MYO16: variants seen among roughly 807,000 people sequenced by gnomAD.
MYO16 encodes the protein unconventional myosin-XVI.
In MYO16, 94 loss-of-function variants were observed where a neutral mutation model predicts 205.3. The observed-to-expected ratio is 0.46, with a 90% CI of 0.39 to 0.54. MYO16 has a LOEUF of 0.54. Ranked by LOEUF, MYO16 falls within the 20% of genes least tolerant of loss-of-function variation. The pLI is 0.00. For missense variants in MYO16, 2,315 were observed against 2,387.5 expected (o/e 0.97, Z 0.63); for synonymous variants, 988 against 954.0 (o/e 1.04, Z -0.66).
At chr13:109,084,997 A>G (rs1490490068) in intron 27 of MYO16, among the ~76,000 whole-genome samples, 1 of 152,168 alleles carries the variant, frequency 6.6e-6, no homozygotes, top group Non-Finnish European at 1.5e-5. Flanking sequence ...TGAGTCTTTA[A>G]GACCACTTAA....
At chr13:109,035,619 G>A (rs377584561) in intron 23 of MYO16, among the ~76,000 whole-genome samples, 2 of 152,318 alleles carry the variant, frequency 1.3e-5, no homozygotes, top group East Asian at 3.9e-4. Flanking sequence ...GGGAGGCAGA[G>A]GTTGCAGTGA....
At chr13:108,724,204 A>G (rs1884261159) in intron 3 of MYO16, among the ~76,000 whole-genome samples, 1 of 152,178 alleles carries the variant, frequency 6.6e-6, no homozygotes, top group South Asian at 2.1e-4. Context: ...ATAACTTTGT[A>G]TATTCCATTA....
intron 4 of MYO16, among the ~76,000 whole-genome samples, chr13:108,733,156 G>A (rs1427708837): frequency 6.6e-6 from 1 of 152,046 alleles, no homozygotes; most frequent in Non-Finnish European, 1.5e-5. Flanking sequence ...GTGTAGAGGG[G>A]GCATCGTCTA....
At chr13:108,560,073 T>C in the MYO16 span, among the ~76,000 whole-genome samples, 1 of 152,184 alleles carries the variant, frequency 6.6e-6, no homozygotes, top group East Asian at 1.9e-4. Flanking sequence ...ATGTTAGATA[T>C]GCACCTGCAG....
At chr13:109,174,093 G>A (rs1427685908) in intron 33 of MYO16, among the ~76,000 whole-genome samples, 1 of 151,944 alleles carries the variant, frequency 6.6e-6, no homozygotes, top group African/African-American at 2.4e-5. Context: ...CATGAAGCAA[G>A]AGTATTAAAG....
At chr13:109,066,448 G>A (rs926379688) in intron 27 of MYO16, among the ~76,000 whole-genome samples, 1 of 152,170 alleles carries the variant, frequency 6.6e-6, no homozygotes, top group African/African-American at 2.4e-5. Context: ...GTTTAACGAA[G>A]TTTGAGAGGA....
the MYO16 span, among the ~76,000 whole-genome samples, chr13:108,495,876 C>T: frequency 1.3e-5 from 2 of 151,968 alleles, no homozygotes; most frequent in Non-Finnish European, 2.9e-5. Flanking sequence ...GAGTCCCGGC[C>T]ATCGCCGCGT....
chr13:108,692,095 C>T (rs1882919111), intron 2 of MYO16, among the ~76,000 whole-genome samples: 1 of 152,182 alleles, frequency 6.6e-6, no homozygotes, highest in Non-Finnish European at 1.5e-5. Context: ...TTTTGACTTA[C>T]TGTTTACATT....
rs1235634969 is a variant in MYO16, at chr13:108,942,464, G to A, written c.1926-15224G>A. On this transcript the variant is annotated intron_variant, in intron 16 of 34. Coordinates refer to ENST00000457511, the MANE Select transcript of MYO16 (RefSeq NM_001198950.3). ...ATGCACACAGAGAGTTTCTGATCAA[G>A]TCAATTGTTTTTAGAACAGGCAGCA... is the stretch of plus-strand genomic sequence containing the variant. Among the ~76,000 whole-genome samples, 3 of 152,112 alleles carry A rather than the reference G, an allele frequency of 2.0e-5. No homozygotes were observed. The South Asian group carries it at 6.2e-4, about 32-fold the overall frequency.
intron 28 of MYO16, 96 bp from the exon 29 acceptor site, chr13:109,120,274 A>G: frequency 1.2e-6 from 1 of 818,850 alleles, no homozygotes; most frequent in East Asian, 2.6e-5. Flanking sequence ...TGTTTCTTCT[A>G]ATCCTCTGCT....
intron 1 of MYO16, among the ~76,000 whole-genome samples, chr13:108,660,841 TTTTG>T (rs1394522553): frequency 6.6e-6 from 1 of 152,160 alleles, no homozygotes; most frequent in African/African-American, 2.4e-5. Flanking sequence ...TGTACTTTGG[TTTTG>T]TTTTTTGTTT....
upstream of MYO16, among the ~76,000 whole-genome samples, chr13:108,595,163 A>G (rs1312727582): frequency 1.3e-5 from 2 of 152,214 alleles, no homozygotes; most frequent in African/African-American, 2.4e-5. Context: ...CTCTTCTTAA[A>G]TTAGCTCTAA....
intron 2 of MYO16, 111 bp from the exon 3 acceptor site, chr13:108,712,548 CTT>C: frequency 2.3e-6 from 2 of 888,562 alleles, no homozygotes; most frequent in South Asian, 2.7e-5. Flanking sequence ...AAGCCGTAGT[CTT>C]TGGTTTTCAC....
intron 16 of MYO16, among the ~76,000 whole-genome samples, chr13:108,918,350 A>G (rs928357460): frequency 6.6e-6 from 1 of 152,260 alleles, no homozygotes; most frequent in Non-Finnish European, 1.5e-5. Flanking sequence ...AAAATTGCGC[A>G]AGAAACTACC....
intron 21 of MYO16, among the ~76,000 whole-genome samples, chr13:108,997,355 A>G (rs1458542382): frequency 0.29 from 1,128 of 3,850 alleles, 42 homozygotes; most frequent in Non-Finnish European, 0.41. Context: ...AGAGAGAGAG[A>G]GAGAGAGAGA....
At chr13:108,553,858 C>A in the MYO16 span, among the ~76,000 whole-genome samples, 4 of 152,178 alleles carry the variant, frequency 2.6e-5, no homozygotes, top group African/African-American at 9.7e-5. Context: ...TCTTCCCTTA[C>A]CTCCTCATGT....
chr13:108,897,144 C>T (rs917560553), intron 14 of MYO16, among the ~76,000 whole-genome samples: 1 of 152,150 alleles, frequency 6.6e-6, no homozygotes, highest in Admixed American at 6.5e-5. Context: ...ATTGTACTCC[C>T]TCCTGTGGCT....
At chr13:108,519,572 A>G in the MYO16 span, among the ~76,000 whole-genome samples, 2 of 151,960 alleles carry the variant, frequency 1.3e-5, no homozygotes, top group Non-Finnish European at 2.9e-5. Flanking sequence ...TGAACACTGG[A>G]AATAATGGAA....
intron 1 of MYO16, chr13:108,659,238 CTATATATGA>C (rs1412919677): frequency 1.8e-4 from 29 of 157,002 alleles, no homozygotes; most frequent in Non-Finnish European, 2.3e-4. Flanking sequence ...TATATATATG[CTATATATGA>C]TATATATGAT....
Sources: allele counts gnomAD v4.1 joint callset (sites outside exome capture counted in the v4.1 genomes callset), GRCh38; gene constraint gnomAD v4.1.1; transcripts MANE v1.5; gene names NCBI Gene and HGNC (gene_info 2026-07-23, HGNC 2026-07-21).